NTRK2: variants seen among roughly 807,000 people sequenced by gnomAD.
The protein encoded by NTRK2 is neurotrophic receptor tyrosine kinase 2, also known as BDNF/NT-3 growth factors receptor.
NTRK2 carries 13 observed loss-of-function variants against 94.5 expected under a neutral mutation model. The observed-to-expected ratio is 0.14, with a 90% CI of 0.09 to 0.22. The LOEUF (loss-of-function observed/expected upper bound fraction) is 0.22, where lower values mean the gene tolerates loss of function less well. Ranked by LOEUF, NTRK2 falls within the 10% of genes least tolerant of loss-of-function variation. The pLI is 1.00. For synonymous variants in NTRK2, 372 were observed against 407.4 expected, an observed-to-expected ratio of 0.91 and a Z score of 1.05; for missense variants, 639 against 1,071.2, an observed-to-expected ratio of 0.60 and a Z score of 5.63.
At chr9:84,690,521 G>T (rs932549208) in intron 2 of NTRK2, among the ~76,000 whole-genome samples, 1 of 149,330 alleles carries the variant, frequency 6.7e-6, no homozygotes, top group Non-Finnish European at 1.5e-5. Context: ...AAGAGGAAAA[G>T]ACATTTTAAA....
intron 17 of NTRK2, among the ~76,000 whole-genome samples, chr9:85,018,108 C>T (rs1312696871): frequency 6.6e-6 from 1 of 151,948 alleles, no homozygotes; most frequent in Non-Finnish European, 1.5e-5. Context: ...TGAAAATGGT[C>T]TGTTAAAATG....
At chr9:84,994,052 A>C (rs1393552197) in intron 17 of NTRK2, among the ~76,000 whole-genome samples, 3 of 152,168 alleles carry the variant, frequency 2.0e-5, no homozygotes, top group Non-Finnish European at 4.4e-5. Context: ...AGTAGCCACC[A>C]CCCTGAATCC....
intron 17 of NTRK2, among the ~76,000 whole-genome samples, chr9:85,015,552 A>G (rs1463630898): frequency 1.3e-5 from 2 of 152,198 alleles, no homozygotes; most frequent in African/African-American, 2.4e-5. Flanking sequence ...CATTAAAGAC[A>G]TGGTATGCTT....
intron 2 of NTRK2, among the ~76,000 whole-genome samples, chr9:84,675,161 A>G (rs2058956682): frequency 6.6e-6 from 1 of 152,118 alleles, no homozygotes; most frequent in Non-Finnish European, 1.5e-5. Flanking sequence ...TAAGCTGAAG[A>G]GTTGGCTGAA....
intron 2 of NTRK2, among the ~76,000 whole-genome samples, chr9:84,688,492 G>C (rs966557540): frequency 1.3e-5 from 2 of 152,082 alleles, no homozygotes; most frequent in African/African-American, 2.4e-5. Context: ...AGAGTATACT[G>C]GATTCCTCCC....
At chr9:84,747,736 C>T (rs2064219998) in intron 11 of NTRK2, among the ~76,000 whole-genome samples, 1 of 152,120 alleles carries the variant, frequency 6.6e-6, no homozygotes, top group South Asian at 2.1e-4. Context: ...CCGCCTCGGC[C>T]TCCCAAAGTG....
chr9:84,681,667 C>T (rs1049958754), intron 2 of NTRK2, among the ~76,000 whole-genome samples: 3 of 152,150 alleles, frequency 2.0e-5, no homozygotes, highest in Admixed American at 2.0e-4. Context: ...CTTCCTATTT[C>T]GCATCCCCGC....
chr9:84,755,711 T>C (rs1290057982), intron 12 of NTRK2, among the ~76,000 whole-genome samples: 1 of 152,136 alleles, frequency 6.6e-6, no homozygotes, highest in Non-Finnish European at 1.5e-5. Flanking sequence ...ACATCTTCAA[T>C]TTCTACCTCC....
intron 14 of NTRK2, chr9:84,875,832 A>G (rs1354903751): frequency 6.7e-6 from 7 of 1,044,016 alleles, no homozygotes; most frequent in African/African-American, 1.7e-5. Context: ...GGAGGCCTCT[A>G]TCAATAGTAT....
intron 12 of NTRK2, among the ~76,000 whole-genome samples, chr9:84,787,860 C>T (rs930487261): frequency 6.6e-6 from 1 of 152,108 alleles, no homozygotes; most frequent in Non-Finnish European, 1.5e-5. Flanking sequence ...CAGTGAAGAG[C>T]AGGACTATGG....
At chr9:84,843,956 C>G (rs2074326986) in intron 12 of NTRK2, among the ~76,000 whole-genome samples, 2 of 152,120 alleles carry the variant, frequency 1.3e-5, no homozygotes, top group Non-Finnish European at 2.9e-5. Context: ...TTGGCATTGA[C>G]AAGACATAGA....
chr9:84,818,250 G>T (rs556654739), intron 12 of NTRK2, among the ~76,000 whole-genome samples: 1 of 152,200 alleles, frequency 6.6e-6, no homozygotes, highest in Non-Finnish European at 1.5e-5. Context: ...TAAAGCTGGT[G>T]CTCCGTATGT....
chr9:84,884,589 C>G (rs895491430), intron 14 of NTRK2, among the ~76,000 whole-genome samples: 3 of 152,176 alleles, frequency 2.0e-5, no homozygotes, highest in African/African-American at 7.2e-5. Flanking sequence ...TTTGTCTAGA[C>G]GAAGGCTGTG....
intron 12 of NTRK2, among the ~76,000 whole-genome samples, chr9:84,818,750 T>C (rs1205705426): frequency 4.6e-5 from 7 of 152,150 alleles, no homozygotes; most frequent in Admixed American, 4.6e-4. Context: ...TACTCTCTGG[T>C]GAGTGAACTT....
chr9:84,874,548 T>C, intron 14 of NTRK2: 1 of 1,064,850 alleles, frequency 9.4e-7, no homozygotes, highest in East Asian at 5.0e-5. Flanking sequence ...TTGTTTTTGT[T>C]TAGTTTTTCT....
chr9:84,784,947 G>A (rs2067976654), intron 12 of NTRK2, among the ~76,000 whole-genome samples: 1 of 152,066 alleles, frequency 6.6e-6, no homozygotes, highest in African/African-American at 2.4e-5. Flanking sequence ...TCGCAATTTA[G>A]TTTCCTTGAG....
chr9:84,824,135 G>A (rs1396040553), intron 12 of NTRK2, among the ~76,000 whole-genome samples: 1 of 152,182 alleles, frequency 6.6e-6, no homozygotes, highest in Non-Finnish European at 1.5e-5. Context: ...TTTCATATGT[G>A]TACACCTGTC....
chr9:84,847,787 C>T (rs1485802441), intron 12 of NTRK2, among the ~76,000 whole-genome samples: 1 of 152,016 alleles, frequency 6.6e-6, no homozygotes, highest in African/African-American at 2.4e-5. Flanking sequence ...GGTGAATAAC[C>T]AAAGGAAAAT....
intron 8 of NTRK2, among the ~76,000 whole-genome samples, chr9:84,726,593 C>A (rs1438388802): frequency 1.3e-5 from 2 of 152,160 alleles, no homozygotes; most frequent in Non-Finnish European, 2.9e-5. Context: ...AGATTTTTTT[C>A]TCCTCTTGTT....
Sources: gnomAD v4.1 joint callset for allele counts (sites outside exome capture counted in the v4.1 genomes callset) on GRCh38, gnomAD v4.1.1 for gene constraint, MANE v1.5 for transcripts, NCBI Gene and HGNC (gene_info 2026-07-23, HGNC 2026-07-21) for gene names.